The following UBE2E2 variants were observed in gnomAD, a reference collection of about 807,000 sequenced individuals.
UBE2E2 encodes the protein ubiquitin-conjugating enzyme E2 E2.
A neutral mutation model predicts 24.7 loss-of-function variants in UBE2E2; 6 were observed. The observed-to-expected ratio is 0.24, with a 90% CI of 0.13 to 0.48. The LOEUF (loss-of-function observed/expected upper bound fraction) is 0.48, where lower values mean the gene tolerates loss of function less well. UBE2E2 is among the 20% of genes least tolerant of loss of function. The pLI, the probability that UBE2E2 is intolerant of heterozygous loss-of-function variation, is 0.99. For synonymous variants in UBE2E2, 104 were observed against 83.6 expected, an observed-to-expected ratio of 1.24 and a Z score of -1.33; for missense variants, 169 against 245.0, an observed-to-expected ratio of 0.69 and a Z score of 2.07.
intron 3 of UBE2E2, among the ~76,000 whole-genome samples, chr3:23,488,321 A>G (rs745880588): frequency 1.4e-4 from 21 of 151,740 alleles, no homozygotes; most frequent in Non-Finnish European, 1.6e-4. Flanking sequence ...CCTGTCACCT[A>G]CATTAGGTAT....
intron 5 of UBE2E2, among the ~76,000 whole-genome samples, chr3:23,568,180 C>T (rs1696121386): frequency 6.6e-6 from 1 of 152,176 alleles, no homozygotes; most frequent in African/African-American, 2.4e-5. Context: ...TTCAGATTCC[C>T]ACACGTGGTG....
intron 3 of UBE2E2, among the ~76,000 whole-genome samples, chr3:23,419,413 A>G (rs1316242086): frequency 6.6e-6 from 1 of 152,190 alleles, no homozygotes; most frequent in Non-Finnish European, 1.5e-5. Flanking sequence ...CTATACAGTG[A>G]TGAGTTGTCA....
At chr3:23,364,320 G>T (rs1490807377) in intron 3 of UBE2E2, among the ~76,000 whole-genome samples, 3 of 151,912 alleles carry the variant, frequency 2.0e-5, no homozygotes, top group Non-Finnish European at 4.4e-5. Flanking sequence ...CCATACAAAA[G>T]ATCAACAAGT....
At chr3:23,256,660 A>G (rs1255155797) in intron 3 of UBE2E2, among the ~76,000 whole-genome samples, 1 of 152,208 alleles carries the variant, frequency 6.6e-6, no homozygotes, top group African/African-American at 2.4e-5. Context: ...AATTCTTAAG[A>G]CTAAGGTCAG....
chr3:23,234,607 C>T lies in UBE2E2; in HGVS notation c.227+17295C>T, dbSNP rs181106404. On this transcript the variant is annotated intron_variant, in intron 3 of 5. Coordinates refer to ENST00000396703, the MANE Select transcript of UBE2E2 (RefSeq NM_152653.4). ...CAGCATTGACTTTATAAGTTAGATA[C>T]AGTGGGGGTGGTTGGGATTGATGCT... 2.7e-3 allele frequency among the ~76,000 whole-genome samples: 416 copies of T among 152,242 alleles called. 1 individual carries two copies. The highest frequency in any genetic ancestry group is 9.6e-3 in the African/African-American group (400 of 41,534).
intron 3 of UBE2E2, 146 bp from the exon 4 acceptor site, chr3:23,499,462 G>T: frequency 1.0e-6 from 1 of 958,876 alleles, no homozygotes; most frequent in South Asian, 1.8e-5. Flanking sequence ...TGACAATATT[G>T]GCAATATGAA....
chr3:23,219,947 G>A lies in UBE2E2; in HGVS notation c.227+2635G>A, dbSNP rs577096212. 2.0e-5 allele frequency among the ~76,000 whole-genome samples: 3 copies of A among 152,184 alleles called. No individual in the cohort carries two copies. The East Asian group carries it at 5.8e-4, about 29-fold the overall frequency. ...GAACCTTAACAGACAACCCAATACTGTGTGTTTGTCAGGTTAGATGGAACC... is the reference window on the plus strand; with the variant it reads ...GAACCTTAACAGACAACCCAATACTATGTGTTTGTCAGGTTAGATGGAACC... On this transcript the variant is annotated intron_variant, in intron 3 of 5. Coordinates refer to ENST00000396703, the MANE Select transcript of UBE2E2 (RefSeq NM_152653.4).
intron 5 of UBE2E2, among the ~76,000 whole-genome samples, chr3:23,565,315 T>C (rs571830993): frequency 1.3e-5 from 2 of 152,146 alleles, no homozygotes; most frequent in East Asian, 3.9e-4. Context: ...GCAAGCCGGA[T>C]TTCCACTACT....
At chr3:23,397,126 C>T (rs1011436773) in intron 3 of UBE2E2, among the ~76,000 whole-genome samples, 14 of 152,088 alleles carry the variant, frequency 9.2e-5, no homozygotes, top group Admixed American at 7.9e-4. Flanking sequence ...TATGATCGAT[C>T]GTGCTACAGT....
At chr3:23,204,551 G>T (rs1172065277) in intron 1 of UBE2E2, 1 of 288,372 alleles carries the variant, frequency 3.5e-6, no homozygotes, top group Non-Finnish European at 5.2e-6. Context: ...ATTCAGTCTG[G>T]ACTTTGTGAA....
chr3:23,428,426 G>C (rs147834944), intron 3 of UBE2E2, among the ~76,000 whole-genome samples: 22 of 152,280 alleles, frequency 1.4e-4, no homozygotes, highest in African/African-American at 5.3e-4. Flanking sequence ...AGCATTGAAT[G>C]CAGAGGTTAC....
chr3:23,253,967 T>G (rs898721720), intron 3 of UBE2E2, among the ~76,000 whole-genome samples: 1 of 152,196 alleles, frequency 6.6e-6, no homozygotes, highest in Non-Finnish European at 1.5e-5. Context: ...AAAATTTAAA[T>G]TTAGATTTGT....
At chr3:23,552,924 G>T (rs1033675155) in intron 5 of UBE2E2, among the ~76,000 whole-genome samples, 1 of 152,046 alleles carries the variant, frequency 6.6e-6, no homozygotes, top group Non-Finnish European at 1.5e-5. Flanking sequence ...AATTAATTTT[G>T]CAAAATGTAC....
chr3:23,255,162 C>T (rs187453032), intron 3 of UBE2E2, among the ~76,000 whole-genome samples: 3 of 141,536 alleles, frequency 2.1e-5, no homozygotes, highest in African/African-American at 7.9e-5. Context: ...TCACAGCTCA[C>T]TATAATCTCC....
At chr3:23,530,167 T>C (rs758864178) in intron 4 of UBE2E2, among the ~76,000 whole-genome samples, 4 of 152,220 alleles carry the variant, frequency 2.6e-5, no homozygotes, top group Non-Finnish European at 4.4e-5. Context: ...AAAGCTTCTT[T>C]TGTGGCTTAG....
chr3:23,443,928 C>G (rs1346066677), intron 3 of UBE2E2, among the ~76,000 whole-genome samples: 1 of 152,124 alleles, frequency 6.6e-6, no homozygotes, highest in Admixed American at 6.5e-5. Flanking sequence ...CAAGGTGGAG[C>G]CCTGCCACAC....
chr3:23,566,616 G>A (rs570059436), intron 5 of UBE2E2, among the ~76,000 whole-genome samples: 1 of 152,260 alleles, frequency 6.6e-6, no homozygotes, highest in South Asian at 2.1e-4. Context: ...GGAGAGTGAA[G>A]GCAAGTCACA....
At chr3:23,544,372 A>G (rs1425595590) in intron 5 of UBE2E2, among the ~76,000 whole-genome samples, 1 of 152,210 alleles carries the variant, frequency 6.6e-6, no homozygotes, top group Non-Finnish European at 1.5e-5. Flanking sequence ...AAACAGTCCC[A>G]TCAAAAAGTG....
chr3:23,310,864 T>C (rs947634681), intron 3 of UBE2E2, among the ~76,000 whole-genome samples: 3 of 150,064 alleles, frequency 2.0e-5, no homozygotes, highest in African/African-American at 7.3e-5. Flanking sequence ...TGTAGCATGA[T>C]TTTTTTTTAA....
Sources: allele counts gnomAD v4.1 joint callset (sites outside exome capture counted in the v4.1 genomes callset), GRCh38; gene constraint gnomAD v4.1.1; transcripts MANE v1.5; gene names NCBI Gene and HGNC (gene_info 2026-07-23, HGNC 2026-07-21).